Variants in TMTC2 observed in about 807,000 individuals in gnomAD.
The protein encoded by TMTC2 is transmembrane O-mannosyltransferase targeting cadherins 2.
Under a neutral mutation model 82.4 loss-of-function variants are expected in TMTC2, and 43 were observed. The observed-to-expected ratio is 0.52, with a 90% CI of 0.41 to 0.67. The LOEUF (loss-of-function observed/expected upper bound fraction) is 0.67. TMTC2 is among the 30% of genes least tolerant of loss of function. The pLI is 0.00. For synonymous variants in TMTC2, 408 were observed against 381.9 expected, an observed-to-expected ratio of 1.07 and a Z score of -0.80; for missense variants, 919 against 1,012.4, an observed-to-expected ratio of 0.91 and a Z score of 1.25.
chr12:83,018,743 A>G (rs1290064703), intron 8 of TMTC2, among the ~76,000 whole-genome samples: 1 of 151,688 alleles, frequency 6.6e-6, no homozygotes, highest in Non-Finnish European at 1.5e-5. Context: ...CTCAGGTCTC[A>G]AGATTTAGTC....
At chr12:82,879,754 A>G (rs867469714) in intron 2 of TMTC2, among the ~76,000 whole-genome samples, 1 of 152,222 alleles carries the variant, frequency 6.6e-6, no homozygotes, top group Non-Finnish European at 1.5e-5. Flanking sequence ...TACAAACATC[A>G]TGATGTTTTA....
At chr12:83,064,064 G>A (rs1388255119) in intron 11 of TMTC2, among the ~76,000 whole-genome samples, 1 of 151,754 alleles carries the variant, frequency 6.6e-6, no homozygotes, top group East Asian at 1.9e-4. Flanking sequence ...ATAGAATGCT[G>A]TGAATATACA....
At chr12:82,947,087 T>C (rs1389437491) in intron 4 of TMTC2, among the ~76,000 whole-genome samples, 1 of 152,014 alleles carries the variant, frequency 6.6e-6, no homozygotes, top group Non-Finnish European at 1.5e-5. Context: ...GTTAGAACAA[T>C]CCAAGTTGTC....
Position 83,061,162 on chromosome 12 carries a change from A to G in TMTC2, c.2268-606A>G, listed in dbSNP as rs1882725103. Among the ~76,000 whole-genome samples, 5 of 151,916 alleles carry G rather than the reference A, an allele frequency of 3.3e-5. No homozygotes were observed. The South Asian group carries it at 1.0e-3, about 32-fold the overall frequency. ...GCTTTCATCTTTCTGTCACTTAGGA[A>G]TGAAAGTCCTAAGTAACGAGAACAT... On this transcript the variant is annotated intron_variant, in intron 10 of 11. Transcript: ENST00000321196.
intron 1 of TMTC2, among the ~76,000 whole-genome samples, chr12:82,754,007 A>G (rs901936945): frequency 2.6e-5 from 4 of 152,184 alleles, no homozygotes; most frequent in African/African-American, 9.6e-5. Context: ...CTGTGAAGGG[A>G]CAAATAGAGA....
At chr12:82,809,165 G>A (rs930165710) in intron 1 of TMTC2, among the ~76,000 whole-genome samples, 2 of 151,472 alleles carry the variant, frequency 1.3e-5, no homozygotes, top group South Asian at 2.1e-4. Context: ...GGATATTACC[G>A]CTAATGACCA....
chr12:83,080,398 T>C (rs1298538456), intron 11 of TMTC2, among the ~76,000 whole-genome samples: 1 of 152,112 alleles, frequency 6.6e-6, no homozygotes, highest in Non-Finnish European at 1.5e-5. Context: ...TGTGTGTGTG[T>C]GTAATGAATG....
At chr12:82,762,227 A>G (rs1245080210) in intron 1 of TMTC2, among the ~76,000 whole-genome samples, 2 of 152,008 alleles carry the variant, frequency 1.3e-5, no homozygotes, top group African/African-American at 4.8e-5. Flanking sequence ...TCGGCCTCCC[A>G]AAGTGCTGGG....
At chr12:82,752,311 C>T (rs145217894) in intron 1 of TMTC2, among the ~76,000 whole-genome samples, 192 of 152,020 alleles carry the variant, frequency 1.3e-3, no homozygotes, top group African/African-American at 4.5e-3. Flanking sequence ...ATGGCAAAAC[C>T]CTGACTCTAC....
intron 1 of TMTC2, among the ~76,000 whole-genome samples, chr12:82,827,778 G>T (rs914249807): frequency 6.6e-5 from 10 of 151,544 alleles, no homozygotes; most frequent in Non-Finnish European, 1.3e-4. Context: ...CACTGCAGCA[G>T]CCTTGACCTC....
chr12:82,750,804 TG>T (rs1875956885), intron 1 of TMTC2, among the ~76,000 whole-genome samples: 1 of 152,204 alleles, frequency 6.6e-6, no homozygotes, highest in South Asian at 2.1e-4. Flanking sequence ...TTTCTTCTTC[TG>T]GGCTAAATTC....
At chr12:82,952,540 T>C (rs112775208) in intron 4 of TMTC2, among the ~76,000 whole-genome samples, 81 of 151,912 alleles carry the variant, frequency 5.3e-4, no homozygotes, top group Middle Eastern at 3.4e-3. Context: ...CACACACACA[T>C]ATGTATATAT....
At chr12:83,046,121 A>G (rs1339956644) in intron 9 of TMTC2, among the ~76,000 whole-genome samples, 1 of 152,114 alleles carries the variant, frequency 6.6e-6, no homozygotes, top group East Asian at 1.9e-4. Flanking sequence ...CTTCTGCCTT[A>G]TCCCCCTCTG....
At chr12:83,046,280 A>G (rs186539136) in intron 9 of TMTC2, among the ~76,000 whole-genome samples, 10 of 152,234 alleles carry the variant, frequency 6.6e-5, no homozygotes, top group African/African-American at 2.4e-4. Flanking sequence ...GGTGAAAAAC[A>G]TTTATTTTGT....
intron 1 of TMTC2, among the ~76,000 whole-genome samples, chr12:82,788,394 G>C (rs1414584517): frequency 6.6e-6 from 1 of 151,968 alleles, no homozygotes; most frequent in Non-Finnish European, 1.5e-5. Context: ...AATTTAGATG[G>C]CACAAATTGA....
rs766760894 is a variant in TMTC2, at chr12:82,930,555, C to T, written c.1598+10C>T. ...ACATGCTTTATAATTTGTGAGTATG[C>T]CTTGCTTCTCTGGTTTGGTTCGTCT... On this transcript the variant is annotated intron_variant, in intron 4 of 11. Transcript: ENST00000321196. 4.5e-6 allele frequency: 7 copies of T among 1,540,692 alleles called. No individual in the cohort carries two copies. In the African/African-American group the frequency reaches 9.5e-5, roughly 21 times the overall value.
chr12:83,092,982 A>G, intron 11 of TMTC2, among the ~76,000 whole-genome samples: 1 of 152,244 alleles, frequency 6.6e-6, no homozygotes, highest in East Asian at 1.9e-4. Context: ...GTATTTAAAT[A>G]TCACTGTGTG....
At chr12:83,072,760 T>G in intron 11 of TMTC2, among the ~76,000 whole-genome samples, 1 of 152,202 alleles carries the variant, frequency 6.6e-6, no homozygotes, top group Non-Finnish European at 1.5e-5. Context: ...ATGTCCCTCT[T>G]TGTCTCTTTT....
At chr12:82,702,497 A>G (rs1873133226) in intron 1 of TMTC2, among the ~76,000 whole-genome samples, 1 of 152,212 alleles carries the variant, frequency 6.6e-6, no homozygotes, top group Non-Finnish European at 1.5e-5. Flanking sequence ...CGGTCATACT[A>G]TTTTTAAGTT....
Sources: gnomAD v4.1 joint callset for allele counts (sites outside exome capture counted in the v4.1 genomes callset) on GRCh38, gnomAD v4.1.1 for gene constraint, MANE v1.5 for transcripts, NCBI Gene and HGNC (gene_info 2026-07-23, HGNC 2026-07-21) for gene names.